Variants in FAT3 observed in about 807,000 individuals in gnomAD.
FAT3 encodes the protein protocadherin Fat 3.
FAT3 carries 95 observed loss-of-function variants against 310.2 expected under a neutral mutation model. The observed-to-expected ratio is 0.31, with a 90% CI of 0.26 to 0.36. The LOEUF is 0.36. Among genes scored for constraint, FAT3 ranks in the 10% least tolerant of loss-of-function variants. The pLI, the probability that FAT3 is intolerant of heterozygous loss-of-function variation, is 1.00. For synonymous variants in FAT3, 2,314 were observed against 2,192.9 expected (o/e 1.06, Z -1.54); for missense variants, 5,408 against 5,715.6 (o/e 0.95, Z 1.74).
chr11:92,799,009 C>T lies in FAT3; in HGVS notation c.5996C>T (p.Thr1999Ile), dbSNP rs745364930. 8 of 1,613,904 alleles carry T rather than the reference C, an allele frequency of 5.0e-6. No individual in the cohort carries two copies. Among genetic ancestry groups the T allele is most frequent in the Non-Finnish European group, 6.8e-6 (8 of 1,179,860 alleles). Residue 1999 changes from threonine (T) to isoleucine (I), a missense_variant, in exon 10 of 28, where the codon ACC becomes ATC. This residue lies in a region of FAT3 where 4,588 missense variants were observed against 4,809.8 expected (regional missense o/e 0.95). Coordinates refer to ENST00000525166, the MANE Select transcript of FAT3 (RefSeq NM_001367949.2). Reference protein sequence around the residue: ...TSISENNTNITKVAIVNAVGN... With the variant: ...TSISENNTNIIKVAIVNAVGN... Reference sequence around the variant, plus strand: ...ATCTCAGAGAACAACACTAACATAACCAAAGTTGCTATTGTCAATGCAGTT... The same window carrying T: ...ATCTCAGAGAACAACACTAACATAATCAAAGTTGCTATTGTCAATGCAGTT...
intron 3 of FAT3, among the ~76,000 whole-genome samples, chr11:92,683,071 C>G (rs910061121): frequency 8.8e-5 from 3 of 34,200 alleles, no homozygotes; most frequent in Admixed American, 7.1e-4. Flanking sequence ...CAGCAAGACT[C>G]TAAAAAAAAA....
intron 3 of FAT3, among the ~76,000 whole-genome samples, chr11:92,603,484 A>G (rs1371006375): frequency 1.3e-5 from 2 of 152,260 alleles, no homozygotes; most frequent in Non-Finnish European, 2.9e-5. Flanking sequence ...CCTTGATTTC[A>G]GCAAGGTACT....
At chr11:92,807,404 A>T (rs1310286549) in intron 12 of FAT3, among the ~76,000 whole-genome samples, 1 of 152,188 alleles carries the variant, frequency 6.6e-6, no homozygotes, top group African/African-American at 2.4e-5. Flanking sequence ...ACATATCCAA[A>T]TATGGGTACT....
chr11:92,563,977 A>G (rs573267966), intron 3 of FAT3, among the ~76,000 whole-genome samples: 1 of 152,232 alleles, frequency 6.6e-6, no homozygotes, highest in East Asian at 1.9e-4. Context: ...AACTGCATCA[A>G]CTAACGAGCA....
chr11:92,858,946 G>A (rs1049829390), intron 20 of FAT3, among the ~76,000 whole-genome samples: 3 of 152,176 alleles, frequency 2.0e-5, no homozygotes, highest in Non-Finnish European at 1.5e-5. Context: ...AGATGATTTG[G>A]TGGCTGACTG....
chr11:92,366,500 T>C (rs987067025), intron 2 of FAT3: 3 of 467,074 alleles, frequency 6.4e-6, no homozygotes, highest in Non-Finnish European at 1.3e-5. Flanking sequence ...CAGCCCTCAC[T>C]TCTTGGCCTT....
At chr11:92,633,927 C>T (rs535695858) in intron 3 of FAT3, among the ~76,000 whole-genome samples, 2 of 152,294 alleles carry the variant, frequency 1.3e-5, no homozygotes, top group East Asian at 3.9e-4. Flanking sequence ...GTACTGAGAA[C>T]TGTGCTAAGT....
chr11:92,865,302 C>G lies in FAT3; in HGVS notation c.11659-1439C>G, dbSNP rs147135277. ...AGAATGAGAGATGCTCTGATAATCCCGAATAGGTCTATTATGAGTTAAACA... is the reference window on the plus strand; with the variant it reads ...AGAATGAGAGATGCTCTGATAATCCGGAATAGGTCTATTATGAGTTAAACA... On this transcript the variant is annotated intron_variant, in intron 21 of 27. Transcript: ENST00000525166. 2.7e-3 allele frequency among the ~76,000 whole-genome samples: 418 copies of G among 152,284 alleles called. 6 individuals carry two copies. Among genetic ancestry groups the G allele is most frequent in the African/African-American group, 9.8e-3 (408 of 41,574 alleles).
intron 2 of FAT3, among the ~76,000 whole-genome samples, chr11:92,373,752 ATATG>A (rs775451593): frequency 6.8e-6 from 1 of 147,526 alleles, no homozygotes; most frequent in Non-Finnish European, 1.5e-5. Context: ...ACCAGTGGAG[ATATG>A]TATGCACACA....
intron 3 of FAT3, among the ~76,000 whole-genome samples, chr11:92,563,124 C>T (rs772844230): frequency 2.0e-5 from 3 of 152,130 alleles, no homozygotes; most frequent in South Asian, 2.1e-4. Context: ...TTCTTTGTTA[C>T]GTTGTACCCA....
At chr11:92,272,526 A>G (rs532757604) in intron 1 of FAT3, among the ~76,000 whole-genome samples, 2 of 152,210 alleles carry the variant, frequency 1.3e-5, no homozygotes, top group Non-Finnish European at 2.9e-5. Context: ...TATAACCCAC[A>G]TAAAAGGGAG....
chr11:92,542,258 G>C (rs149679610), intron 3 of FAT3, among the ~76,000 whole-genome samples: 583 of 152,102 alleles, frequency 3.8e-3, no homozygotes, highest in Middle Eastern at 0.01. Context: ...TAGGGAAAAT[G>C]TTCATGGCAT....
chr11:92,404,003 C>T (rs759186661), intron 2 of FAT3, among the ~76,000 whole-genome samples: 18 of 151,626 alleles, frequency 1.2e-4, no homozygotes, highest in Non-Finnish European at 2.2e-4. Flanking sequence ...CCACTGCACT[C>T]CAGCCTGGGC....
chr11:92,760,872 A>G (rs1382708052), intron 4 of FAT3, among the ~76,000 whole-genome samples: 3 of 152,216 alleles, frequency 2.0e-5, no homozygotes, highest in Non-Finnish European at 2.9e-5. Flanking sequence ...ACTCTTTTCT[A>G]TCTCAATTTT....
chr11:92,462,012 T>G (rs144386189), intron 2 of FAT3, among the ~76,000 whole-genome samples: 397 of 152,298 alleles, frequency 2.6e-3, no homozygotes, highest in African/African-American at 8.9e-3. Context: ...TTGGGAGTCT[T>G]AGGATCAGAA....
chr11:92,820,174 T>G (rs1947925474), intron 13 of FAT3, among the ~76,000 whole-genome samples: 1 of 152,142 alleles, frequency 6.6e-6, no homozygotes, highest in Non-Finnish European at 1.5e-5. Flanking sequence ...CAACAAACAT[T>G]TACTTTCTCA....
At chr11:92,738,879 C>T (rs952532521) in intron 4 of FAT3, among the ~76,000 whole-genome samples, 2 of 152,028 alleles carry the variant, frequency 1.3e-5, no homozygotes, top group African/African-American at 2.4e-5. Context: ...CTAGTCAAGT[C>T]GTTGGGAAAA....
At chr11:92,481,737 G>T (rs1358624396) in intron 2 of FAT3, among the ~76,000 whole-genome samples, 1 of 152,172 alleles carries the variant, frequency 6.6e-6, no homozygotes, top group African/African-American at 2.4e-5. Flanking sequence ...GCTTTAAGTT[G>T]CTGTCTAGAA....
chr11:92,404,173 T>A (rs1207347218), intron 2 of FAT3, among the ~76,000 whole-genome samples: 1 of 152,034 alleles, frequency 6.6e-6, no homozygotes. Context: ...TCAACAAATA[T>A]CAAGGATCTG....
Sources: gnomAD v4.1 joint callset for allele counts (sites outside exome capture counted in the v4.1 genomes callset) on GRCh38, gnomAD v4.1.1 for gene constraint, gnomAD v4.1.1 regional missense constraint, MANE v1.5 for transcripts, NCBI Gene and HGNC (gene_info 2026-07-23, HGNC 2026-07-21) for gene names.